Variants in RALGDS observed in about 807,000 individuals in gnomAD.
RALGDS encodes the protein ral guanine nucleotide exchange factor.
RALGDS carries 44 observed loss-of-function variants against 99.8 expected under a neutral mutation model. The observed-to-expected ratio is 0.44, with a 90% CI of 0.35 to 0.57. RALGDS has a LOEUF of 0.57. RALGDS is among the 20% of genes least tolerant of loss of function. The pLI is 0.01. For missense variants in RALGDS, 1,022 were observed against 1,203.1 expected (o/e 0.85, Z 2.23); for synonymous variants, 529 against 505.0 (o/e 1.05, Z -0.64).
chr9:133,108,359 C>T lies in RALGDS; in HGVS notation c.826G>A (p.Ala276Thr), dbSNP rs1223961378. ...CTGGGTGCTCGAGCTGGTGTTAGAG[C>T]TAGCTCGAGCTCTGGAGTTGGTTTT... is the stretch of plus-strand genomic sequence containing the variant. ...ALKPTPELEL[A>T]LTPARAPSPV... Residue 276 changes from alanine (A) to threonine (T), a missense_variant, in exon 6 of 18, where the codon GCT becomes ACT. This residue lies in a region of RALGDS where 825 missense variants were observed against 994.5 expected (regional missense o/e 0.83). Transcript: ENST00000372050. 1.9e-5 allele frequency: 30 copies of T among 1,538,858 alleles called. No homozygotes were observed. Among genetic ancestry groups the T allele is most frequent in the Non-Finnish European group, 2.5e-5 (29 of 1,146,978 alleles).
At chr9:133,115,238 C>G (rs968043726) in intron 1 of RALGDS, among the ~76,000 whole-genome samples, 17 of 152,228 alleles carry the variant, frequency 1.1e-4, no homozygotes, top group African/African-American at 3.9e-4. Flanking sequence ...CCTTGGAAAC[C>G]GTAGCTAGTG....
At chr9:133,109,532 G>A in intron 4 of RALGDS, 94 bp downstream of exon 4, 4 of 1,173,876 alleles carry the variant, frequency 3.4e-6, no homozygotes, top group South Asian at 1.2e-5. Flanking sequence ...CCAGGGTTCT[G>A]CCCAGCCAGC....
chr9:133,101,493 G>T (rs1252880790), intron 16 of RALGDS, 27 bp downstream of exon 16: 2 of 1,609,676 alleles, frequency 1.2e-6, no homozygotes, highest in Admixed American at 3.3e-5. Context: ...GTGGAGGGAG[G>T]CACCCAGGCC....
rs946133407 is a variant in RALGDS, at chr9:133,112,884, C to T, written c.184-732G>A. ...CCCTGACCATCATCACGTGAGGGGACGGGTGTGAGAGGTGACGGTGCTGGT... is the reference window on the plus strand; with the variant it reads ...CCCTGACCATCATCACGTGAGGGGATGGGTGTGAGAGGTGACGGTGCTGGT... On this transcript the variant is annotated intron_variant, in intron 1 of 17. Coordinates refer to ENST00000372050, the MANE Select transcript of RALGDS (RefSeq NM_006266.4). 9.2e-5 allele frequency among the ~76,000 whole-genome samples: 14 copies of T among 152,152 alleles called. No individual in the cohort carries two copies. In the South Asian group the frequency reaches 1.4e-3, roughly 16 times the overall value.
intron 1 of RALGDS, 33 bp from the exon 2 acceptor site, chr9:133,112,185 G>C: frequency 1.4e-6 from 2 of 1,455,470 alleles, no homozygotes; most frequent in Admixed American, 3.9e-5. Flanking sequence ...CCGGGCGCGG[G>C]GACGTCAAGG....
At chr9:133,104,787 G>A (rs1830933198) in intron 9 of RALGDS, among the ~76,000 whole-genome samples, 1 of 152,180 alleles carries the variant, frequency 6.6e-6, no homozygotes, top group Non-Finnish European at 1.5e-5. Context: ...ACTCCAGCCT[G>A]GGAGACAGAG....
intron 8 of RALGDS, 101 bp from the exon 9 acceptor site, chr9:133,106,117 T>C: frequency 1.1e-6 from 1 of 891,204 alleles, no homozygotes; most frequent in Non-Finnish European, 1.8e-6. Flanking sequence ...CCAGACTGCC[T>C]GAACGCAGCA....
Position 133,104,251 on chromosome 9 carries a change from G to A in RALGDS, c.1671+12C>T. On this transcript the variant is annotated intron_variant, in intron 10 of 17. Transcript: ENST00000372050. Reference sequence around the variant, plus strand: ...CAGCCCCCTGCCCCTCCGCGGCCTTGGGCACTCTCACCGTCTCCTTCGGCC... The same window carrying A: ...CAGCCCCCTGCCCCTCCGCGGCCTTAGGCACTCTCACCGTCTCCTTCGGCC... 1 of 1,611,520 alleles carries A rather than the reference G, an allele frequency of 6.2e-7. No individual in the cohort carries two copies. The highest frequency in any genetic ancestry group is 8.5e-7 in the Non-Finnish European group (1 of 1,177,818).
At chr9:133,125,381 T>C (rs73558464), upstream of RALGDS, among the ~76,000 whole-genome samples, 2,410 of 151,184 alleles carry the variant, frequency 0.016, 61 homozygotes, top group African/African-American at 0.054. Context: ...AAGCTGGGGG[T>C]CTTTATGCCA....
chr9:133,147,743 A>G (rs1832648120), intron 1 of RALGDS, among the ~76,000 whole-genome samples: 1 of 152,148 alleles, frequency 6.6e-6, no homozygotes, highest in African/African-American at 2.4e-5. Flanking sequence ...CCAGAAAACA[A>G]AACACACACC....
intron 1 of RALGDS, among the ~76,000 whole-genome samples, chr9:133,116,133 CGTGT>C (rs1189740232): frequency 6.6e-5 from 2 of 30,100 alleles, no homozygotes; most frequent in East Asian, 1.5e-3. Flanking sequence ...GCAAGGGCCT[CGTGT>C]CCGTGTCCGT....
intron 2 of RALGDS, among the ~76,000 whole-genome samples, chr9:133,110,779 C>T (rs1161123783): frequency 6.6e-6 from 1 of 151,748 alleles, no homozygotes; most frequent in Non-Finnish European, 1.5e-5. Flanking sequence ...AAATTGTTTA[C>T]AAAACTTAAA....
intron 1 of RALGDS, among the ~76,000 whole-genome samples, chr9:133,112,362 C>T (rs1347995068): frequency 1.3e-5 from 2 of 152,064 alleles, no homozygotes; most frequent in African/African-American, 2.4e-5. Context: ...CGACCTGGGA[C>T]GTGATTATGA....
chr9:133,111,991 T>C, intron 2 of RALGDS, 51 bp downstream of exon 2: 17 of 1,406,618 alleles, frequency 1.2e-5, no homozygotes, highest in Non-Finnish European at 1.7e-5. Flanking sequence ...GAAAAAGTCC[T>C]GGGAGGGATC....
intron 1 of RALGDS, among the ~76,000 whole-genome samples, chr9:133,112,570 T>C (rs1227469949): frequency 6.6e-6 from 1 of 152,136 alleles, no homozygotes; most frequent in Non-Finnish European, 1.5e-5. Context: ...ACCCCAGGGC[T>C]CTGACACGGC....
upstream of RALGDS, chr9:133,131,122 C>T (rs1177253560): frequency 4.8e-6 from 7 of 1,445,274 alleles, no homozygotes; most frequent in Non-Finnish European, 6.3e-6. Context: ...GACACTGCCC[C>T]AGCAGCACCT....
chr9:133,113,843 G>C (rs1831466507), intron 1 of RALGDS, among the ~76,000 whole-genome samples: 1 of 152,196 alleles, frequency 6.6e-6, no homozygotes, highest in Non-Finnish European at 1.5e-5. Context: ...ACAGTATCCT[G>C]AGTGTCCAAG....
chr9:133,108,909 CCCTGAGCCAGGCTGGGCT>C (rs1310675972), intron 4 of RALGDS, 43 bp from the exon 5 acceptor site: 1 of 1,556,666 alleles, frequency 6.4e-7, no homozygotes, highest in African/African-American at 1.4e-5. Flanking sequence ...GCCTGGGCTC[CCCTGAGCCAGGCTGGGCT>C]CCTGAGCCGG....
Position 133,101,945 on chromosome 9 carries a change from T to C in RALGDS, c.2204A>G (p.Glu735Gly), listed in dbSNP as rs1239306662. ...SFVPESPDGQ[E>G]KKFWESASQS... is the part of the protein sequence containing the mutation. Reference sequence around the variant, plus strand: ...AGAAGGGCAGGCAGTCACCTTCTTTTCCTGGCCATCAGGAGACTCCGGGAC... The same window carrying C: ...AGAAGGGCAGGCAGTCACCTTCTTTCCCTGGCCATCAGGAGACTCCGGGAC... Residue 735 changes from glutamate to glycine, a missense_variant, in exon 15 of 18, where the codon GAA (glutamate) becomes GGA (glycine). Glu to Gly is a moderately conservative substitution (Grantham distance 98). Coordinates refer to ENST00000372050, the MANE Select transcript of RALGDS (RefSeq NM_006266.4). 6.4e-7 allele frequency: 1 copy of C among 1,551,152 alleles called. No individual in the cohort carries two copies. Among genetic ancestry groups the C allele is most frequent in the Non-Finnish European group, 8.7e-7 (1 of 1,147,066 alleles).
Sources: allele counts gnomAD v4.1 joint callset (sites outside exome capture counted in the v4.1 genomes callset), GRCh38; gene constraint gnomAD v4.1.1; regional missense constraint gnomAD v4.1.1; transcripts MANE v1.5; gene names NCBI Gene and HGNC (gene_info 2026-07-23, HGNC 2026-07-21).